The following CCDC187 variants were observed in gnomAD, a reference collection of about 807,000 sequenced individuals.
CCDC187 encodes the protein coiled-coil domain-containing protein 187.
CCDC187 carries 32 observed loss-of-function variants against 38.0 expected under a neutral mutation model. That is an observed-to-expected ratio of 0.84 (90% CI 0.64 to 1.13). The LOEUF (loss-of-function observed/expected upper bound fraction) is 1.13, where lower values mean the gene tolerates loss of function less well. Ranked by LOEUF, CCDC187 falls within the 50% of genes most tolerant of loss-of-function variation. The probability of loss-of-function intolerance (pLI) is 0.00; values close to 1 mark genes in which losing one functional copy is unlikely to be tolerated. For synonymous variants in CCDC187, 333 were observed against 347.9 expected, an observed-to-expected ratio of 0.96 and a Z score of 0.48; for missense variants, 707 against 786.8, an observed-to-expected ratio of 0.90 and a Z score of 1.21.
rs115025016 is a variant in CCDC187, at chr9:136,264,499, G to A, written c.3736-701C>T. On this transcript the variant is annotated intron_variant, in intron 17 of 25. Coordinates refer to ENST00000638797, the MANE Select transcript of CCDC187 (RefSeq NM_001378188.1). This position sits in a 1 kb window ranked among gnomAD's most constrained non-coding sequence, Gnocchi z 4.3. ...CCTTCTAAGCCCCTTTTGTTTCCCC[G>A]GCTCACGTTGTTCTCTGTGGTGCCT... Among the ~76,000 whole-genome samples, 811 of 152,184 alleles carry A rather than the reference G, an allele frequency of 5.3e-3. 10 individuals are homozygous for A. The highest frequency in any genetic ancestry group is 0.019 in the African/African-American group (776 of 41,490).
chr9:136,285,030 TC>T (rs1489624320), intron 9 of CCDC187, among the ~76,000 whole-genome samples: 3 of 151,766 alleles, frequency 2.0e-5, no homozygotes, highest in Non-Finnish European at 4.4e-5. Context: ...AGGCACAGTG[TC>T]CCCGGGAAGG....
intron 4 of CCDC187, among the ~76,000 whole-genome samples, chr9:136,295,581 CTA>C (rs1241604186): frequency 6.6e-6 from 1 of 152,184 alleles, no homozygotes; most frequent in Non-Finnish European, 1.5e-5. Context: ...TATTTTATAA[CTA>C]TTGTGATTTA....
chr9:136,282,453 G>T, intron 9 of CCDC187, among the ~76,000 whole-genome samples: 1 of 152,324 alleles, frequency 6.6e-6, no homozygotes. Context: ...AGACGGGTTT[G>T]TGGGCGGAGC....
chr9:136,266,889 C>G (rs1554761696), intron 16 of CCDC187: 1 of 152,220 alleles, frequency 6.6e-6, no homozygotes, highest in African/African-American at 2.4e-5. Context: ...TCGAGACCAG[C>G]CTGACCAACA....
intron 9 of CCDC187, among the ~76,000 whole-genome samples, chr9:136,283,383 C>T (rs2131261395): frequency 6.6e-6 from 1 of 152,382 alleles, no homozygotes; most frequent in Admixed American, 6.5e-5. Flanking sequence ...GTGCGCCAGC[C>T]CTGAAGCTCC....
chr9:136,255,451 A>G (rs1185567180), intron 25 of CCDC187, among the ~76,000 whole-genome samples: 1 of 152,170 alleles, frequency 6.6e-6, no homozygotes, highest in East Asian at 1.9e-4. Context: ...ATGTGGGTGG[A>G]TCCAGACAGA....
Position 136,286,180 on chromosome 9 carries a change from G to A in CCDC187, c.2738C>T (p.Thr913Ile). 2 of 398,600 alleles carry A rather than the reference G, an allele frequency of 5.0e-6. No individual in the cohort carries two copies. The highest frequency in any genetic ancestry group is 8.8e-6 in the Non-Finnish European group (2 of 226,026). The allele number at this position is 398,600 out of a possible 1,614,324, so 24.7% of individuals were successfully genotyped here. ...SMQPQPLLPP[T>I]YFLDGETLSW... ...CAGTGTCTCGCCGTCCAGGAAGTAG[G>A]TCGGGGGCAGAAGGGGCTGGGGCTG... Residue 913 changes from threonine to isoleucine, a missense_variant, in exon 8 of 26, where the codon ACC (threonine) becomes ATC (isoleucine). Transcript: ENST00000638797.
chr9:136,257,815 G>T lies in CCDC187; in HGVS notation c.4367-974C>A, dbSNP rs2131118106. Among the ~76,000 whole-genome samples, 1 of 152,362 alleles carries T rather than the reference G, an allele frequency of 6.6e-6. No homozygotes were observed. The highest frequency in any genetic ancestry group is 2.4e-5 in the African/African-American group (1 of 41,586). Reference sequence around the variant, plus strand: ...TCCGGGTGACCCCAGCGACCACAATGGGGCGTCACCCAGGGAGCCCCTGCA... The same window carrying T: ...TCCGGGTGACCCCAGCGACCACAATTGGGCGTCACCCAGGGAGCCCCTGCA... On this transcript the variant is annotated intron_variant, in intron 22 of 25. Transcript: ENST00000638797. This position sits in a 1 kb window ranked among gnomAD's most constrained non-coding sequence, Gnocchi z 4.5.
At chr9:136,306,548 C>T (rs1051940852), upstream of CCDC187, among the ~76,000 whole-genome samples, 17 of 152,140 alleles carry the variant, frequency 1.1e-4, no homozygotes, top group Non-Finnish European at 2.5e-4. Context: ...ACTTATCTTA[C>T]GTCGTCTCAG....
chr9:136,279,247 G>T (rs1830993272), intron 10 of CCDC187, among the ~76,000 whole-genome samples: 1 of 151,832 alleles, frequency 6.6e-6, no homozygotes, highest in South Asian at 2.1e-4. Context: ...GCTCTGGTCT[G>T]GGTGTTTAAG....
At chr9:136,288,501 G>A (rs1393011199) in intron 7 of CCDC187, among the ~76,000 whole-genome samples, 5 of 152,196 alleles carry the variant, frequency 3.3e-5, no homozygotes, top group South Asian at 2.1e-4. Context: ...CCCCCTGCCC[G>A]CTGGAACCCA....
intron 3 of CCDC187, 80 bp downstream of exon 3, chr9:136,300,140 G>A (rs1161535598): frequency 7.6e-6 from 3 of 397,328 alleles, no homozygotes; most frequent in Non-Finnish European, 1.3e-5. Context: ...GTCTGTGAGG[G>A]TGGCCCAGCA....
chr9:136,269,404 C>T (rs181813752), intron 14 of CCDC187, among the ~76,000 whole-genome samples: 4 of 152,340 alleles, frequency 2.6e-5, no homozygotes, highest in Non-Finnish European at 5.9e-5. Flanking sequence ...AATCCCAGCA[C>T]TTTGGGAGGC....
Position 136,277,029 on chromosome 9 carries a change from C to T in CCDC187, c.3041-302G>A, listed in dbSNP as rs1830945285. On this transcript the variant is annotated intron_variant, in intron 10 of 25. Coordinates refer to ENST00000638797, the MANE Select transcript of CCDC187 (RefSeq NM_001378188.1). ...TGCTAAGGCTGGCTCTGCCTGACCC[C>T]GGCCAGGACCAACTCCAGGATGGAT... Among the ~76,000 whole-genome samples, 7 of 152,116 alleles carry T rather than the reference C, an allele frequency of 4.6e-5. No homozygotes were observed. In the South Asian group the frequency reaches 1.5e-3, roughly 32 times the overall value.
At chr9:136,277,917 G>A (rs1286439091) in intron 10 of CCDC187, among the ~76,000 whole-genome samples, 11 of 152,164 alleles carry the variant, frequency 7.2e-5, no homozygotes, top group Admixed American at 2.6e-4. Flanking sequence ...TTCCCGGAAC[G>A]GAGCAGCTCA....
intron 10 of CCDC187, among the ~76,000 whole-genome samples, chr9:136,280,115 T>C (rs1458862901): frequency 6.6e-6 from 1 of 152,282 alleles, no homozygotes; most frequent in Non-Finnish European, 1.5e-5. Context: ...CACGGGGGCC[T>C]TCCTGGCTCT....
chr9:136,259,372 T>C lies in CCDC187; in HGVS notation c.4287A>G (p.Pro1429=). 1 of 981,324 alleles carries C rather than the reference T, an allele frequency of 1.0e-6. No individual in the cohort carries two copies. The highest frequency in any genetic ancestry group is 1.2e-6 in the Non-Finnish European group (1 of 829,042). 60.8% of individuals were successfully genotyped at this position (981,324 alleles called of 1,614,324 possible). A position where few individuals can be genotyped will look rare whatever the true frequency, so the allele number is the denominator to read the frequency against. ...VSPPDGQRLG[P]AFPAEEAEGR... ...CAGGGAGAGTGCGTACGGGAAAGGC[T>C]GGGCCCAGCCGCTGTCCGTCCGGGG... is the stretch of plus-strand genomic sequence containing the variant. Residue 1429 remains proline (P), a synonymous_variant, in exon 21 of 26, where the codon CCA becomes CCG. Coordinates refer to ENST00000638797, the MANE Select transcript of CCDC187 (RefSeq NM_001378188.1).
At position 136,252,433 on chromosome 9, in the gene CCDC187, G is replaced by A. The variant is rs1267030859; in HGVS notation, c.*1161C>T. ...AGCCGGCCGCCCACCCTGTCCACCG[G>A]GGGAAGGTCCAGGCAACCGTCCCGC... On this transcript the variant is annotated 3_prime_UTR_variant, in exon 26 of 26. Coordinates refer to ENST00000638797, the MANE Select transcript of CCDC187 (RefSeq NM_001378188.1). The A allele has an allele frequency of 5.5e-6, 1 of 181,616 alleles. No homozygotes were observed. Among genetic ancestry groups the A allele is most frequent in the Non-Finnish European group, 1.1e-5 (1 of 88,974 alleles). 11.3% of individuals were successfully genotyped at this position (181,616 alleles called of 1,614,324 possible).
rs1696632282 is a variant in CCDC187 at position 136,267,460 on chromosome 9, C to G, written c.3571G>C (p.Ala1191Pro). ...GCCATCTCTCGCAGGCGCAGCAGCG[C>G]GGCCTGGTGCTGTGCTCGCAGCTCC... ...EEELRAQHQA[A>P]LLRLREMALQ... Residue 1191 changes from alanine (A) to proline (P), a missense_variant, in exon 16 of 26, where the codon GCG (alanine) becomes CCG (proline). Ala to Pro is a conservative substitution (Grantham distance 27). Coordinates refer to ENST00000638797, the MANE Select transcript of CCDC187 (RefSeq NM_001378188.1). The G allele has an allele frequency of 1.0e-6, 1 of 985,524 alleles. No individual in the cohort carries two copies. The highest frequency in any genetic ancestry group is 1.2e-6 in the Non-Finnish European group (1 of 830,068). The allele number at this position is 985,524 out of a possible 1,614,324, so 61.0% of individuals were successfully genotyped here. A position where few individuals can be genotyped will look rare whatever the true frequency, so the allele number is the denominator to read the frequency against.
Sources: allele counts gnomAD v4.1 joint callset (sites outside exome capture counted in the v4.1 genomes callset), GRCh38; gene constraint gnomAD v4.1.1; non-coding constraint Gnocchi (gnomAD v3.1); transcripts MANE v1.5; gene names NCBI Gene and HGNC (gene_info 2026-07-23, HGNC 2026-07-21).